The following ADGB variants were observed in gnomAD, a reference collection of about 807,000 sequenced individuals.
ADGB encodes the protein androglobin.
In ADGB, 172 loss-of-function variants were observed where a neutral mutation model predicts 210.5. The observed-to-expected ratio is 0.82, with a 90% CI of 0.72 to 0.93. The LOEUF (loss-of-function observed/expected upper bound fraction) is 0.93, where lower values mean the gene tolerates loss of function less well. Ranked by LOEUF, ADGB falls within the 40% of genes least tolerant of loss-of-function variation. ADGB has a pLI of 0.00. For missense variants in ADGB, 2,025 were observed against 1,964.8 expected (o/e 1.03, Z -0.58); for synonymous variants, 658 against 662.7 (o/e 0.99, Z 0.11).
chr6:146,809,761 A>C (rs1452611054), intron 35 of ADGB, among the ~76,000 whole-genome samples: 1 of 152,248 alleles, frequency 6.6e-6, no homozygotes, highest in Admixed American at 6.5e-5. Flanking sequence ...AAATATCCAC[A>C]TGCAAAAGAA....
At chr6:146,714,072 T>A (rs531466581) in intron 13 of ADGB, among the ~76,000 whole-genome samples, 1 of 152,344 alleles carries the variant, frequency 6.6e-6, no homozygotes, top group East Asian at 1.9e-4. Flanking sequence ...ATTGTTTCTG[T>A]TTTCTATGAA....
chr6:146,618,448 T>A (rs1242878283), intron 1 of ADGB, among the ~76,000 whole-genome samples: 3 of 152,034 alleles, frequency 2.0e-5, no homozygotes, highest in Non-Finnish European at 4.4e-5. Context: ...TTCCTTGAAG[T>A]GCATTATTAA....
chr6:146,770,736 G>A (rs538536545), intron 29 of ADGB: 4 of 375,808 alleles, frequency 1.1e-5, no homozygotes, highest in East Asian at 1.6e-4. Context: ...AAGAGAAAGT[G>A]GTAGCACTGG....
chr6:146,662,934 C>G (rs1447846715), intron 5 of ADGB, among the ~76,000 whole-genome samples: 1 of 145,806 alleles, frequency 6.9e-6, no homozygotes, highest in Non-Finnish European at 1.5e-5. Flanking sequence ...ATATATATAA[C>G]TTAATAATGT....
At chr6:146,600,343 G>A (rs908138241) in intron 1 of ADGB, 7 of 270,798 alleles carry the variant, frequency 2.6e-5, no homozygotes, top group East Asian at 1.4e-4. Flanking sequence ...GTCCAAGGCC[G>A]AGGACGCCCT....
intron 27 of ADGB, among the ~76,000 whole-genome samples, chr6:146,755,572 G>C (rs1017975532): frequency 5.3e-5 from 8 of 151,912 alleles, no homozygotes; most frequent in African/African-American, 1.9e-4. Flanking sequence ...GATCCCTCAG[G>C]TCTCTTCAGC....
intron 2 of ADGB, among the ~76,000 whole-genome samples, chr6:146,643,586 G>A (rs919945305): frequency 2.6e-5 from 4 of 151,628 alleles, no homozygotes; most frequent in Admixed American, 2.6e-4. Context: ...CTGAGAGTAC[G>A]CATTTGGATA....
chr6:146,691,477 AAT>A (rs1198158237), intron 11 of ADGB, among the ~76,000 whole-genome samples, 187 bp downstream of exon 11: 584 of 18,352 alleles, frequency 0.032, 22 homozygotes, highest in Non-Finnish European at 0.037. Flanking sequence ...TATATATATA[AAT>A]ATATATATAT....
chr6:146,673,666 A>C (rs938847816), intron 8 of ADGB, among the ~76,000 whole-genome samples: 6 of 152,164 alleles, frequency 3.9e-5, no homozygotes, highest in Non-Finnish European at 8.8e-5. Context: ...TAAAAAGTAA[A>C]AAGTGGCAGA....
intron 27 of ADGB, among the ~76,000 whole-genome samples, chr6:146,756,810 C>T (rs1777413042): frequency 1.3e-5 from 2 of 151,886 alleles, no homozygotes; most frequent in South Asian, 2.1e-4. Context: ...TCACTGCAAC[C>T]TCCACCTCCT....
chr6:146,728,620 T>C lies in ADGB; in HGVS notation c.2399T>C (p.Ile800Thr), dbSNP rs375173987. Reference protein sequence around the residue: ...TEQSLLIMKAIGNVIANFKDK... With the variant: ...TEQSLLIMKATGNVIANFKDK... ...CAGTCTCTGTTGATTATGAAAGCTATTGGAAATGTGATTGCTAATTTCAAA... is the reference window on the plus strand; with the variant it reads ...CAGTCTCTGTTGATTATGAAAGCTACTGGAAATGTGATTGCTAATTTCAAA... The change falls in exon 20 of 36, where the codon ATT becomes ACT. Residue 800 changes from isoleucine (I) to threonine (T), a missense_variant. By Grantham distance (89) the Ile-to-Thr change is moderately conservative. Coordinates refer to ENST00000397944, the MANE Select transcript of ADGB (RefSeq NM_024694.4). 2 of 1,551,538 alleles carry C rather than the reference T, an allele frequency of 1.3e-6. No individual in the cohort carries two copies. Among genetic ancestry groups the C allele is most frequent in the Non-Finnish European group, 1.7e-6 (2 of 1,146,966 alleles).
intron 17 of ADGB, among the ~76,000 whole-genome samples, chr6:146,723,966 G>C (rs1350321056): frequency 2.0e-5 from 3 of 152,054 alleles, no homozygotes; most frequent in Non-Finnish European, 4.4e-5. Context: ...TCACTTGAGA[G>C]GATTGTTACA....
Position 146,688,088 on chromosome 6 carries a change from A to G in ADGB, c.1311+2260A>G, listed in dbSNP as rs143661957. ...ACTATTATACGCTAAACAATATGCT[A>G]TCTTCTGAAGATACAATGATAAGCA... On this transcript the variant is annotated intron_variant, in intron 10 of 35. Coordinates refer to ENST00000397944, the MANE Select transcript of ADGB (RefSeq NM_024694.4). Among the ~76,000 whole-genome samples, 41 of 152,288 alleles carry G rather than the reference A, an allele frequency of 2.7e-4. No homozygotes were observed. In the East Asian group the frequency reaches 4.4e-3, roughly 17 times the overall value.
In ADGB at chr6:146,785,732, C is replaced by A. The variant is rs201339456; in HGVS notation, c.4315+20C>A. On this transcript the variant is annotated intron_variant, in intron 32 of 35. Transcript: ENST00000397944. ...AAGAAGGTGAGTGGATCCTACCACC[C>A]CAGCTGCCTCAGAGCACAGAGCTGT... The A allele has an allele frequency of 1.7e-5, 25 of 1,504,710 alleles. No homozygotes were observed. Among genetic ancestry groups the A allele is most frequent in the Admixed American group, 1.2e-4 (6 of 50,834 alleles). 93.2% of individuals were successfully genotyped at this position (1,504,710 alleles called of 1,614,324 possible).
intron 1 of ADGB, among the ~76,000 whole-genome samples, chr6:146,634,782 G>A (rs1182539752): frequency 1.3e-5 from 2 of 151,800 alleles, no homozygotes; most frequent in Non-Finnish European, 2.9e-5. Context: ...TCTTGTTTAT[G>A]AAAGTGAAAA....
chr6:146,712,981 T>A (rs1401764620), intron 13 of ADGB, among the ~76,000 whole-genome samples: 1 of 152,302 alleles, frequency 6.6e-6, no homozygotes, highest in Middle Eastern at 3.4e-3. Context: ...TTCTGGGTAC[T>A]TCACATAAGT....
At chr6:146,653,885 T>C (rs1223733965) in intron 3 of ADGB, among the ~76,000 whole-genome samples, 1 of 152,190 alleles carries the variant, frequency 6.6e-6, no homozygotes, top group Non-Finnish European at 1.5e-5. Flanking sequence ...TTCTTATTTC[T>C]CTGGTTGTGA....
intron 35 of ADGB, chr6:146,802,713 T>G: frequency 7.7e-7 from 1 of 1,305,304 alleles, no homozygotes; most frequent in Non-Finnish European, 1.1e-6. Context: ...CAGTTCACAG[T>G]TCTCAGACGA....
chr6:146,719,250 A>G (rs1024010511), intron 16 of ADGB, among the ~76,000 whole-genome samples: 7 of 152,238 alleles, frequency 4.6e-5, no homozygotes, highest in African/African-American at 1.7e-4. Flanking sequence ...GCCATTTACT[A>G]AAGACAGTTG....
Sources: gnomAD v4.1 joint callset for allele counts (sites outside exome capture counted in the v4.1 genomes callset) on GRCh38, gnomAD v4.1.1 for gene constraint, MANE v1.5 for transcripts, NCBI Gene and HGNC (gene_info 2026-07-23, HGNC 2026-07-21) for gene names.